Variants in SKIC3 observed in about 807,000 individuals in gnomAD.
SKIC3 encodes the protein superkiller complex protein 3.
the SKIC3 span, chr5:95,470,014 T>A: frequency 7.2e-7 from 1 of 1,384,948 alleles, no homozygotes; most frequent in East Asian, 2.7e-5. Flanking sequence ...TCTCGCTCTG[T>A]CACCCAGCCT....
At chr5:95,529,974 CATT>C in the SKIC3 span, 1 of 1,298,304 alleles carries the variant, frequency 7.7e-7, no homozygotes, top group African/African-American at 1.5e-5. Context: ...TATGCAGGTA[CATT>C]TTTTCCCTTC....
At chr5:95,474,002 T>A in the SKIC3 span, among the ~76,000 whole-genome samples, 2 of 152,206 alleles carry the variant, frequency 1.3e-5, no homozygotes, top group Non-Finnish European at 2.9e-5. Context: ...TCAAAAAAGG[T>A]ATTTCCTAGG....
chr5:95,482,738 C>T, the SKIC3 span: 1 of 1,213,008 alleles, frequency 8.2e-7, no homozygotes, highest in Non-Finnish European at 1.2e-6. Flanking sequence ...AGGTTTATAC[C>T]TTTTCTTATT....
chr5:95,508,358 C>A, the SKIC3 span, among the ~76,000 whole-genome samples: 1 of 152,204 alleles, frequency 6.6e-6, no homozygotes, highest in African/African-American at 2.4e-5. Flanking sequence ...TTCTTATCAC[C>A]TATCCATTAA....
chr5:95,512,443 C>A, the SKIC3 span: 1 of 1,599,504 alleles, frequency 6.3e-7, no homozygotes, highest in South Asian at 1.1e-5. Context: ...AATAGTTGCT[C>A]AAATATCTTG....
At chr5:95,518,398 A>G in the SKIC3 span, among the ~76,000 whole-genome samples, 1 of 152,054 alleles carries the variant, frequency 6.6e-6, no homozygotes, top group Admixed American at 6.6e-5. Flanking sequence ...GAACACTAGA[A>G]CTTATTCCTC....
At chr5:95,553,064 A>G in the SKIC3 span, among the ~76,000 whole-genome samples, 1 of 152,230 alleles carries the variant, frequency 6.6e-6, no homozygotes, top group Non-Finnish European at 1.5e-5. Context: ...TGGAGATGAA[A>G]AAGCACAGGC....
chr5:95,542,095 G>A, the SKIC3 span, among the ~76,000 whole-genome samples: 1 of 152,124 alleles, frequency 6.6e-6, no homozygotes, highest in Non-Finnish European at 1.5e-5. Context: ...GGAGGGCACA[G>A]GTAAAGTGGA....
the SKIC3 span, among the ~76,000 whole-genome samples, chr5:95,468,701 C>A: frequency 1.5e-3 from 229 of 152,272 alleles, 1 homozygote; most frequent in African/African-American, 5.4e-3. Flanking sequence ...CTTGAAGATG[C>A]TTTTGCAGAG....
At chr5:95,482,361 T>G in the SKIC3 span, 2 of 1,129,254 alleles carry the variant, frequency 1.8e-6, no homozygotes, top group Non-Finnish European at 2.7e-6. Flanking sequence ...AACTGAGAGA[T>G]AACATGGTGA....
the SKIC3 span, chr5:95,512,613 T>C: frequency 6.2e-7 from 1 of 1,613,938 alleles, no homozygotes; most frequent in Non-Finnish European, 8.5e-7. Context: ...CTAATGCTCC[T>C]TCAGTCTTTA....
chr5:95,488,356 C>G, the SKIC3 span, among the ~76,000 whole-genome samples: 1 of 152,038 alleles, frequency 6.6e-6, no homozygotes, highest in Non-Finnish European at 1.5e-5. Flanking sequence ...ATTTACAATT[C>G]CAAAAGATGT....
the SKIC3 span, among the ~76,000 whole-genome samples, chr5:95,478,001 T>A: frequency 9.9e-5 from 15 of 152,220 alleles, no homozygotes; most frequent in African/African-American, 3.6e-4. Context: ...TAAATTTAAT[T>A]CTAATACAAT....
At chr5:95,479,600 T>A in the SKIC3 span, among the ~76,000 whole-genome samples, 3 of 152,098 alleles carry the variant, frequency 2.0e-5, no homozygotes, top group African/African-American at 7.2e-5. Flanking sequence ...ATTATTATTG[T>A]TGTTAATCTC....
chr5:95,530,094 G>T, the SKIC3 span: 61 of 1,612,848 alleles, frequency 3.8e-5, no homozygotes, highest in Middle Eastern at 1.6e-4. Flanking sequence ...TTTACCTTCT[G>T]TTAGGTTCCT....
the SKIC3 span, among the ~76,000 whole-genome samples, chr5:95,467,139 T>C: frequency 6.6e-6 from 1 of 152,158 alleles, no homozygotes; most frequent in Non-Finnish European, 1.5e-5. Context: ...GTACATTTAA[T>C]GGATGACTTT....
At chr5:95,522,433 T>C in the SKIC3 span, 4 of 1,102,426 alleles carry the variant, frequency 3.6e-6, no homozygotes, top group Non-Finnish European at 5.0e-6. Context: ...ATAAAAGTGC[T>C]ATTTAAAGCA....
the SKIC3 span, chr5:95,509,456 G>A: frequency 2.8e-6 from 2 of 708,956 alleles, no homozygotes; most frequent in Admixed American, 4.1e-5. Flanking sequence ...GAAGAGGCCA[G>A]GCTCCTCCCC....
chr5:95,478,263 A>G, the SKIC3 span: 1 of 1,612,478 alleles, frequency 6.2e-7, no homozygotes, highest in South Asian at 1.1e-5. Context: ...TCAATTTTTC[A>G]TGATCATAAT....
Sources: allele counts gnomAD v4.1 joint callset (sites outside exome capture counted in the v4.1 genomes callset), GRCh38; gene constraint gnomAD v4.1.1; transcripts MANE v1.5; gene names NCBI Gene and HGNC (gene_info 2026-07-23, HGNC 2026-07-21).